TMEM132C: variants seen among roughly 807,000 people sequenced by gnomAD.
The protein encoded by TMEM132C is transmembrane protein 132C.
TMEM132C carries 29 observed loss-of-function variants against 61.4 expected under a neutral mutation model. The observed-to-expected ratio is 0.47, with a 90% confidence interval of 0.35 to 0.64. The LOEUF is 0.64. Among genes scored for constraint, TMEM132C ranks in the 30% least tolerant of loss-of-function variants. TMEM132C has a pLI of 0.00. For missense variants in TMEM132C, 1,408 were observed against 1,476.9 expected (o/e 0.95, Z 0.76); for synonymous variants, 656 against 633.1 (o/e 1.04, Z -0.54).
At chr12:128,486,456 A>G (rs148733990) in intron 2 of TMEM132C, among the ~76,000 whole-genome samples, 3,751 of 152,234 alleles carry the variant, frequency 0.025, 61 homozygotes, top group Non-Finnish European at 0.033. Flanking sequence ...AGAGTCTACA[A>G]GCTAAGAGGC....
chr12:128,309,670 C>T (rs1156574831), intron 1 of TMEM132C, among the ~76,000 whole-genome samples: 1 of 152,130 alleles, frequency 6.6e-6, no homozygotes. Flanking sequence ...CACTCGGCAT[C>T]ACTTCTTTAG....
At chr12:128,328,170 G>A (rs1464914678) in intron 1 of TMEM132C, among the ~76,000 whole-genome samples, 2 of 152,146 alleles carry the variant, frequency 1.3e-5, no homozygotes, top group Admixed American at 6.5e-5. Flanking sequence ...TGATTGGAAA[G>A]CTTTGGGGCT....
intron 2 of TMEM132C, among the ~76,000 whole-genome samples, chr12:128,483,622 A>C (rs1319027552): frequency 6.6e-6 from 1 of 152,132 alleles, no homozygotes; most frequent in Admixed American, 6.5e-5. Context: ...GGCCAATAGC[A>C]AACTTTGTAC....
intron 2 of TMEM132C, among the ~76,000 whole-genome samples, chr12:128,460,593 G>A (rs1248201929): frequency 1.3e-5 from 2 of 152,112 alleles, no homozygotes; most frequent in Admixed American, 6.5e-5. Flanking sequence ...ACCCCACTGA[G>A]TAGCAATGGC....
rs1377859779 is a variant in TMEM132C, at chr12:128,267,182, C to A, written c.-221C>A. 1.4e-5 allele frequency among the ~76,000 whole-genome samples: 2 copies of A among 146,424 alleles called. No individual in the cohort carries two copies. The highest frequency in any genetic ancestry group is 3.0e-5 in the Non-Finnish European group (2 of 65,878). On this transcript the variant is annotated 5_prime_UTR_variant, in exon 1 of 9. Transcript: ENST00000435159. ...GGAGGCTGCGGGAGAAAAGTTGTCC[C>A]GGCCGGAGCGCGAGCAGCGGCGGAG...
At chr12:128,305,580 G>C (rs1465790157) in intron 1 of TMEM132C, among the ~76,000 whole-genome samples, 4 of 150,062 alleles carry the variant, frequency 2.7e-5, no homozygotes, top group Non-Finnish European at 1.5e-5. Flanking sequence ...TATCTGGAAT[G>C]ACAAAACCAC....
At chr12:128,503,873 T>C (rs954929030) in intron 2 of TMEM132C, among the ~76,000 whole-genome samples, 1 of 152,214 alleles carries the variant, frequency 6.6e-6, no homozygotes, top group African/African-American at 2.4e-5. Context: ...TGGTGTCTCA[T>C]AACAACCATC....
intron 1 of TMEM132C, among the ~76,000 whole-genome samples, chr12:128,357,342 C>T (rs1216213725): frequency 6.6e-6 from 1 of 152,130 alleles, no homozygotes; most frequent in Non-Finnish European, 1.5e-5. Context: ...ACCCCCCCGG[C>T]TCCATCATCC....
intron 2 of TMEM132C, among the ~76,000 whole-genome samples, chr12:128,499,907 G>C (rs1178193067): frequency 6.6e-6 from 1 of 152,186 alleles, no homozygotes; most frequent in Non-Finnish European, 1.5e-5. Flanking sequence ...ATACCCAGTA[G>C]TGGGATTGCT....
chr12:128,583,358 G>A (rs1245850637), intron 3 of TMEM132C, among the ~76,000 whole-genome samples: 2 of 149,978 alleles, frequency 1.3e-5, no homozygotes, highest in Non-Finnish European at 3.0e-5. Context: ...TTTCAGTGAT[G>A]AGATTCTAAG....
chr12:128,491,249 A>G (rs1430708487), intron 2 of TMEM132C, among the ~76,000 whole-genome samples: 3 of 152,194 alleles, frequency 2.0e-5, no homozygotes, highest in East Asian at 1.9e-4. Context: ...GATGAATTTC[A>G]CCAACTTGCT....
chr12:128,646,967 AGT>A (rs760431482), intron 4 of TMEM132C, among the ~76,000 whole-genome samples: 3 of 141,434 alleles, frequency 2.1e-5, no homozygotes, highest in Non-Finnish European at 4.6e-5. Context: ...GTTGGATGTG[AGT>A]GTGTTTACTG....
chr12:128,592,190 A>G (rs1285073461), intron 3 of TMEM132C, among the ~76,000 whole-genome samples: 3 of 152,156 alleles, frequency 2.0e-5, no homozygotes, highest in African/African-American at 7.2e-5. Context: ...GCTCCAGGTC[A>G]TCATCCTACC....
At chr12:128,642,232 A>G (rs777087146) in intron 4 of TMEM132C, among the ~76,000 whole-genome samples, 2 of 151,922 alleles carry the variant, frequency 1.3e-5, no homozygotes, top group Admixed American at 6.5e-5. Context: ...CTCGGGTTCA[A>G]GTGATTCTCC....
intron 1 of TMEM132C, among the ~76,000 whole-genome samples, chr12:128,400,535 C>T (rs578239035): frequency 6.6e-6 from 1 of 151,942 alleles, no homozygotes; most frequent in East Asian, 1.9e-4. Flanking sequence ...GGATGTTGAA[C>T]AGCATCCCTG....
intron 3 of TMEM132C, among the ~76,000 whole-genome samples, chr12:128,559,358 T>C (rs1301267178): frequency 6.6e-6 from 1 of 152,216 alleles, no homozygotes; most frequent in Non-Finnish European, 1.5e-5. Flanking sequence ...TGAACTGACA[T>C]TTAGGTTATT....
intron 2 of TMEM132C, among the ~76,000 whole-genome samples, chr12:128,518,068 C>T (rs1872777487): frequency 6.6e-6 from 1 of 152,218 alleles, no homozygotes; most frequent in Non-Finnish European, 1.5e-5. Context: ...CATGGTTAAG[C>T]TCCAGCCTTT....
At chr12:128,518,244 T>A (rs2136125237) in intron 2 of TMEM132C, among the ~76,000 whole-genome samples, 1 of 152,344 alleles carries the variant, frequency 6.6e-6, no homozygotes, top group Middle Eastern at 3.4e-3. Flanking sequence ...ATTAATGAGA[T>A]GGAAATAGAA....
intron 1 of TMEM132C, among the ~76,000 whole-genome samples, chr12:128,270,793 C>G (rs1870485830): frequency 6.6e-6 from 1 of 152,184 alleles, no homozygotes; most frequent in Non-Finnish European, 1.5e-5. Context: ...GTAGTTATTG[C>G]AACTTCTTGG....
Sources: allele counts gnomAD v4.1 joint callset (sites outside exome capture counted in the v4.1 genomes callset), GRCh38; gene constraint gnomAD v4.1.1; transcripts MANE v1.5; gene names NCBI Gene and HGNC (gene_info 2026-07-23, HGNC 2026-07-21).